Variants in LRP1B observed in about 807,000 individuals in gnomAD.
LRP1B encodes low-density lipoprotein receptor-related protein 1B.
Under a neutral mutation model 556.6 loss-of-function variants are expected in LRP1B, and 217 were observed. That is an observed-to-expected ratio of 0.39 (90% confidence interval 0.35 to 0.44). The LOEUF (loss-of-function observed/expected upper bound fraction) is 0.44, where lower values mean the gene tolerates loss of function less well. LRP1B is among the 20% of genes least tolerant of loss of function. The pLI is 1.00. For missense variants in LRP1B, 5,053 were observed against 5,620.8 expected, an observed-to-expected ratio of 0.90 and a Z score of 3.23; for synonymous variants, 2,047 against 1,865.8, an observed-to-expected ratio of 1.10 and a Z score of -2.50.
In LRP1B at chr2:141,940,986, G is replaced by C. The variant is rs78264988; in HGVS notation, c.83-130585C>G. ...GCATTTCAATGTTAGAGTTACAAAT[G>C]AATAACTTGAATTCATGTCAGAATC... On this transcript the variant is annotated intron_variant, in intron 1 of 90. Coordinates refer to ENST00000389484, the MANE Select transcript of LRP1B (RefSeq NM_018557.3). Among the ~76,000 whole-genome samples the C allele has an allele frequency of 3.0e-3, 455 of 152,240 alleles. 2 individuals are homozygous for C. The highest frequency in any genetic ancestry group is 0.011 in the African/African-American group (440 of 41,548).
chr2:140,261,770 G>T (rs1681954446), intron 86 of LRP1B, among the ~76,000 whole-genome samples: 1 of 151,720 alleles, frequency 6.6e-6, no homozygotes, highest in African/African-American at 2.4e-5. Flanking sequence ...ATAATAATCT[G>T]CAAAAGTATA....
At chr2:140,532,023 A>G (rs1400307219) in intron 47 of LRP1B, among the ~76,000 whole-genome samples, 1 of 152,086 alleles carries the variant, frequency 6.6e-6, no homozygotes, top group Non-Finnish European at 1.5e-5. Flanking sequence ...TTTCTCCTTA[A>G]TGAGCCCCAA....
At chr2:141,520,212 G>A (rs187617476) in intron 2 of LRP1B, among the ~76,000 whole-genome samples, 10 of 152,234 alleles carry the variant, frequency 6.6e-5, no homozygotes, top group Admixed American at 2.6e-4. Context: ...AATAAGGCAA[G>A]TGGATTTTAA....
chr2:141,909,693 A>G (rs1202390826), intron 1 of LRP1B, among the ~76,000 whole-genome samples: 6 of 151,988 alleles, frequency 3.9e-5, no homozygotes, highest in Non-Finnish European at 7.4e-5. Context: ...AGGGAAAAAC[A>G]TAATAACTAC....
chr2:140,877,222 A>G (rs986548944), intron 25 of LRP1B, among the ~76,000 whole-genome samples: 4 of 152,270 alleles, frequency 2.6e-5, no homozygotes, highest in African/African-American at 7.2e-5. Context: ...GAAGCTGCCT[A>G]CTGATGCATG....
At position 140,730,843 on chromosome 2, in the gene LRP1B, C is replaced by T. The variant is rs1485916909; in HGVS notation, c.5759-14027G>A. 4.6e-5 allele frequency among the ~76,000 whole-genome samples: 7 copies of T among 152,204 alleles called. No individual in the cohort carries two copies. The South Asian group carries it at 6.2e-4, about 14-fold the overall frequency. On this transcript the variant is annotated intron_variant, in intron 35 of 90. Coordinates refer to ENST00000389484, the MANE Select transcript of LRP1B (RefSeq NM_018557.3). ...AATTGCTGAGATTACAAGCGTGAGCCGCCACGCCCAGCCTCGATTATGTTA... is the reference window on the plus strand; with the variant it reads ...AATTGCTGAGATTACAAGCGTGAGCTGCCACGCCCAGCCTCGATTATGTTA...
At chr2:141,100,078 A>G (rs1374159330) in intron 7 of LRP1B, among the ~76,000 whole-genome samples, 2 of 152,158 alleles carry the variant, frequency 1.3e-5, no homozygotes, top group African/African-American at 4.8e-5. Context: ...AAGATCTCTT[A>G]TCCTGGATTT....
intron 37 of LRP1B, among the ~76,000 whole-genome samples, chr2:140,713,307 C>A (rs2105454777): frequency 6.8e-6 from 1 of 147,086 alleles, no homozygotes; most frequent in East Asian, 2.0e-4. Context: ...TTGGGATTTG[C>A]AGTGAAAAAG....
intron 37 of LRP1B, among the ~76,000 whole-genome samples, chr2:140,713,987 T>G (rs1233559176): frequency 6.6e-6 from 1 of 152,146 alleles, no homozygotes; most frequent in Non-Finnish European, 1.5e-5. Flanking sequence ...TACTTCAACA[T>G]GACATTTGGA....
intron 1 of LRP1B, among the ~76,000 whole-genome samples, chr2:141,817,018 A>T (rs560353609): frequency 9.2e-5 from 14 of 152,164 alleles, no homozygotes; most frequent in Non-Finnish European, 1.2e-4. Flanking sequence ...GTTTTTAAAA[A>T]CATTAGTTAT....
chr2:141,339,767 T>TTTTATTTA (rs869119147), intron 3 of LRP1B, among the ~76,000 whole-genome samples: 1,968 of 31,578 alleles, frequency 0.062, 24 homozygotes, highest in Middle Eastern at 0.12. Flanking sequence ...TATTTTTCTC[T>TTTTATTTA]TTTATTTATT....
chr2:140,885,072 A>G (rs1188802137), intron 24 of LRP1B, among the ~76,000 whole-genome samples: 2 of 152,318 alleles, frequency 1.3e-5, no homozygotes, highest in African/African-American at 4.8e-5. Context: ...AGTTTGTAAC[A>G]TTGCTACCAC....
chr2:141,271,468 GA>G (rs1199391244), intron 3 of LRP1B, among the ~76,000 whole-genome samples: 5 of 151,186 alleles, frequency 3.3e-5, no homozygotes, highest in Middle Eastern at 3.2e-3. Flanking sequence ...CAGAGACAAA[GA>G]AAAAAATTTG....
intron 7 of LRP1B, among the ~76,000 whole-genome samples, chr2:141,080,569 G>A (rs972786647): frequency 2.6e-5 from 4 of 152,170 alleles, no homozygotes; most frequent in African/African-American, 9.6e-5. Context: ...TTCAGAGACA[G>A]CTATTTATTT....
In LRP1B at chr2:142,121,480, C is replaced by A. The variant is rs368539035; in HGVS notation, c.82+9168G>T. Among the ~76,000 whole-genome samples, 9 of 152,230 alleles carry A rather than the reference C, an allele frequency of 5.9e-5. No individual in the cohort carries two copies. The East Asian group carries it at 1.4e-3, about 23-fold the overall frequency. ...AGTTTATTTCAGACAAAGTGACCTG[C>A]TTTCTTTAAAATACCAAAATCACAA... is the stretch of plus-strand genomic sequence containing the variant. On this transcript the variant is annotated intron_variant, in intron 1 of 90. Coordinates refer to ENST00000389484, the MANE Select transcript of LRP1B (RefSeq NM_018557.3).
At chr2:141,313,346 A>T (rs1176782558) in intron 3 of LRP1B, among the ~76,000 whole-genome samples, 2 of 152,126 alleles carry the variant, frequency 1.3e-5, no homozygotes, top group Non-Finnish European at 2.9e-5. Flanking sequence ...TTAGTTCCTC[A>T]AATTTTGTAA....
chr2:141,077,984 T>TA (rs1167289906), intron 7 of LRP1B, among the ~76,000 whole-genome samples: 2 of 151,584 alleles, frequency 1.3e-5, no homozygotes, highest in South Asian at 2.1e-4. Context: ...TTTTTTTTTT[T>TA]AACTATTGGA....
intron 39 of LRP1B, 26 bp downstream of exon 39, chr2:140,702,115 C>A (rs1169330953): frequency 6.2e-7 from 1 of 1,608,316 alleles, no homozygotes; most frequent in Admixed American, 1.7e-5. Context: ...TTTTGAGACT[C>A]AAATACTTAT....
At chr2:141,567,603 T>G (rs1686378151) in intron 2 of LRP1B, among the ~76,000 whole-genome samples, 1 of 151,938 alleles carries the variant, frequency 6.6e-6, no homozygotes, top group Non-Finnish European at 1.5e-5. Context: ...TGTTAAATAA[T>G]AAGAAAAGAT....
Sources: allele counts gnomAD v4.1 joint callset (sites outside exome capture counted in the v4.1 genomes callset), GRCh38; gene constraint gnomAD v4.1.1; transcripts MANE v1.5; gene names NCBI Gene and HGNC (gene_info 2026-07-23, HGNC 2026-07-21).